The following KCNH7 variants were observed in gnomAD, a reference collection of about 807,000 sequenced individuals.
KCNH7 encodes potassium voltage-gated channel subfamily H member 7, also known as voltage-gated inwardly rectifying potassium channel KCNH7.
A neutral mutation model predicts 120.8 loss-of-function variants in KCNH7; 49 were observed. The observed-to-expected ratio is 0.41, with a 90% CI of 0.32 to 0.51. The LOEUF is 0.51. Ranked by LOEUF, KCNH7 falls within the 20% of genes least tolerant of loss-of-function variation. The pLI is 0.38. For synonymous variants in KCNH7, 547 were observed against 516.1 expected (o/e 1.06, Z -0.81); for missense variants, 1,097 against 1,446.6 (o/e 0.76, Z 3.92).
At chr2:162,563,546 A>C (rs1400117614) in intron 2 of KCNH7, among the ~76,000 whole-genome samples, 1 of 152,200 alleles carries the variant, frequency 6.6e-6, no homozygotes, top group Non-Finnish European at 1.5e-5. Context: ...TATCAGATAA[A>C]GAATGCCTTT....
intron 2 of KCNH7, among the ~76,000 whole-genome samples, chr2:162,750,187 A>AG (rs75140146): frequency 0.29 from 43,617 of 151,762 alleles, 10,659 homozygotes; most frequent in African/African-American, 0.66. Context: ...ATTAGCTTCA[A>AG]GTGGTGCCTA....
intron 6 of KCNH7, among the ~76,000 whole-genome samples, chr2:162,455,701 C>T (rs1188963676): frequency 2.0e-5 from 3 of 152,126 alleles, no homozygotes; most frequent in Non-Finnish European, 4.4e-5. Flanking sequence ...TCCATTTCTT[C>T]TAGATTTTCT....
intron 2 of KCNH7, among the ~76,000 whole-genome samples, chr2:162,644,400 G>T (rs1436202857): frequency 2.0e-5 from 3 of 151,852 alleles, no homozygotes; most frequent in Non-Finnish European, 4.4e-5. Flanking sequence ...GTTATACATT[G>T]GATCTATTTA....
chr2:162,385,308 T>C (rs114791505), intron 12 of KCNH7, among the ~76,000 whole-genome samples: 253 of 152,048 alleles, frequency 1.7e-3, no homozygotes, highest in African/African-American at 5.8e-3. Context: ...ATCACCACTA[T>C]GCAACTTGCT....
chr2:162,775,605 G>A (rs1683206276), intron 2 of KCNH7, among the ~76,000 whole-genome samples: 1 of 151,992 alleles, frequency 6.6e-6, no homozygotes, highest in Admixed American at 6.6e-5. Context: ...GCAAAGAAAA[G>A]GAAAAAAACT....
At chr2:162,658,391 T>C (rs941520471) in intron 2 of KCNH7, among the ~76,000 whole-genome samples, 2 of 152,184 alleles carry the variant, frequency 1.3e-5, no homozygotes, top group Non-Finnish European at 2.9e-5. Flanking sequence ...TTGATTACTA[T>C]AGCCTTACAG....
At chr2:162,450,296 T>C (rs1688724719) in intron 6 of KCNH7, among the ~76,000 whole-genome samples, 1 of 152,044 alleles carries the variant, frequency 6.6e-6, no homozygotes, top group Non-Finnish European at 1.5e-5. Context: ...TGTATTCCAA[T>C]ACGCCCATTG....
At chr2:162,479,559 A>G (rs1439738260) in intron 6 of KCNH7, among the ~76,000 whole-genome samples, 3 of 152,130 alleles carry the variant, frequency 2.0e-5, no homozygotes, top group African/African-American at 7.2e-5. Context: ...TAGATTAGAA[A>G]TGAAATTTAT....
chr2:162,437,978 G>T lies in KCNH7; in HGVS notation c.1555-2381C>A, dbSNP rs150277375. 7.4e-4 allele frequency among the ~76,000 whole-genome samples: 112 copies of T among 152,172 alleles called. No homozygotes were observed. The Middle Eastern group carries it at 0.024, about 32-fold the overall frequency. On this transcript the variant is annotated intron_variant, in intron 7 of 15. Transcript: ENST00000332142. Reference sequence around the variant, plus strand: ...TTCAACATTTCACCATTTCTACACAGCTCAGCTTCCTATGTTTATTTTTCC... The same window carrying T: ...TTCAACATTTCACCATTTCTACACATCTCAGCTTCCTATGTTTATTTTTCC...
rs192193205 is a variant in KCNH7 at position 162,521,447 on chromosome 2, C to A, written c.464-3289G>T. On this transcript the variant is annotated intron_variant, in intron 3 of 15. Coordinates refer to ENST00000332142, the MANE Select transcript of KCNH7 (RefSeq NM_033272.4). ...TTCATGGAAAATGGTGAACTCTATA[C>A]CACGTCCTCTCTACTTGATTTAACT... Among the ~76,000 whole-genome samples, 79 of 151,950 alleles carry A rather than the reference C, an allele frequency of 5.2e-4. 1 individual carries two copies. Among genetic ancestry groups the A allele is most frequent in the Non-Finnish European group, 9.7e-4 (66 of 67,870 alleles).
intron 2 of KCNH7, among the ~76,000 whole-genome samples, chr2:162,665,534 C>A (rs375417002): frequency 6.6e-6 from 1 of 152,064 alleles, no homozygotes; most frequent in Non-Finnish European, 1.5e-5. Context: ...TTTGTCATTT[C>A]ATAAATGGAG....
chr2:162,578,436 C>T (rs1693759493), intron 2 of KCNH7, among the ~76,000 whole-genome samples: 2 of 151,908 alleles, frequency 1.3e-5, no homozygotes, highest in African/African-American at 4.8e-5. Context: ...ACCGGTGACA[C>T]ATCTAAAGCA....
chr2:162,783,005 C>G (rs1683557126), intron 2 of KCNH7, among the ~76,000 whole-genome samples: 1 of 152,144 alleles, frequency 6.6e-6, no homozygotes, highest in African/African-American at 2.4e-5. Context: ...GCAGAGACAC[C>G]TGGTGGGTCC....
chr2:162,808,795 A>G (rs905721306), intron 2 of KCNH7, among the ~76,000 whole-genome samples: 2 of 152,030 alleles, frequency 1.3e-5, no homozygotes, highest in African/African-American at 4.8e-5. Flanking sequence ...GAAATTTTGG[A>G]ATTAGTTTTC....
Position 162,372,055 on chromosome 2 carries a change from G to T in KCNH7, c.3365C>A (p.Ser1122Tyr). 1 of 1,613,118 alleles carries T rather than the reference G, an allele frequency of 6.2e-7. No individual in the cohort carries two copies. Among genetic ancestry groups the T allele is most frequent in the South Asian group, 1.1e-5 (1 of 91,038 alleles). The change falls in exon 16 of 16, where the codon TCC becomes TAC. Residue 1122 changes from serine to tyrosine, a missense_variant. This residue lies in a region of KCNH7 where 406 missense variants were observed against 410.5 expected (regional missense o/e 0.99). Transcript: ENST00000332142. Reference sequence around the variant, plus strand: ...CACCCCACTTGAAAGGGATTCTTTGGATTTAAGTTTAGATTTTTCAAGGTC... The same window carrying T: ...CACCCCACTTGAAAGGGATTCTTTGTATTTAAGTTTAGATTTTTCAAGGTC... Reference protein sequence around the residue: ...FLDLEKSKLKSKESLSSGVHL... With the variant: ...FLDLEKSKLKYKESLSSGVHL...
In KCNH7 at chr2:162,486,477, G is replaced by T. The variant is rs549808916; in HGVS notation, c.1128+17966C>A. Among the ~76,000 whole-genome samples the T allele has an allele frequency of 8.2e-4, 125 of 152,236 alleles. 1 individual carries two copies. The highest frequency in any genetic ancestry group is 3.4e-3 in the Middle Eastern group (1 of 294). On this transcript the variant is annotated intron_variant, in intron 6 of 15. Transcript: ENST00000332142. ...AACAGGTATATTTAAAGTAGAAAAA[G>T]AAATATATGTGGCATTTCTTTAGTT... is the stretch of plus-strand genomic sequence containing the variant.
At chr2:162,539,262 G>A (rs763608594) in intron 2 of KCNH7, among the ~76,000 whole-genome samples, 2 of 152,060 alleles carry the variant, frequency 1.3e-5, no homozygotes, top group Admixed American at 1.3e-4. Context: ...TAGTCATTAT[G>A]TACTTTCCTA....
intron 6 of KCNH7, among the ~76,000 whole-genome samples, chr2:162,500,575 A>G (rs1476673149): frequency 3.3e-5 from 5 of 151,952 alleles, no homozygotes; most frequent in Non-Finnish European, 7.4e-5. Flanking sequence ...GAACAACAGG[A>G]GCAGCGATTA....
rs374287863 is a variant in KCNH7 at position 162,732,368 on chromosome 2, G to A, written c.307+104169C>T. On this transcript the variant is annotated intron_variant, in intron 2 of 15. Transcript: ENST00000332142. ...GAAAAGGAAACCGAAAGTAAGTTAA[G>A]CAGGTACCCAATATATAGATATCTT... Among the ~76,000 whole-genome samples, 180 of 152,284 alleles carry A rather than the reference G, an allele frequency of 1.2e-3. 5 individuals carry two copies. The South Asian group carries it at 0.035, about 30-fold the overall frequency.
Sources: allele counts gnomAD v4.1 joint callset (sites outside exome capture counted in the v4.1 genomes callset), GRCh38; gene constraint gnomAD v4.1.1; regional missense constraint gnomAD v4.1.1; transcripts MANE v1.5; gene names NCBI Gene and HGNC (gene_info 2026-07-23, HGNC 2026-07-21).